RBBP7: variants seen among roughly 807,000 people sequenced by gnomAD.
RBBP7 encodes histone-binding protein RBBP7.
In RBBP7, 5 loss-of-function variants were observed where a neutral mutation model predicts 35.2. The ratio of observed to expected loss-of-function variants is 0.14; its 90% CI spans 0.07 to 0.30. RBBP7 has a LOEUF of 0.30. RBBP7 is among the 10% of genes least tolerant of loss of function. The pLI is 1.00. For missense variants in RBBP7, 155 were observed against 327.5 expected, an observed-to-expected ratio of 0.47 and a Z score of 4.07; for synonymous variants, 140 against 118.7, an observed-to-expected ratio of 1.18 and a Z score of -1.17.
intron 2 of RBBP7, among the ~76,000 whole-genome samples, chrX:16,865,546 T>C (rs1220977846): frequency 8.9e-6 from 1 of 112,167 alleles, no homozygotes; most frequent in Non-Finnish European, 1.9e-5. Context: ...TTCTTTTTAC[T>C]AGAAATCCCT....
chrX:16,848,771 T>A (rs1179716469), intron 10 of RBBP7: 1 of 111,839 alleles, frequency 8.9e-6, no homozygotes, highest in Non-Finnish European at 1.9e-5. Context: ...ACATAAGCTT[T>A]CAAAGGGCCA....
chrX:16,859,485 T>C (rs1930419011), intron 3 of RBBP7, among the ~76,000 whole-genome samples: 1 of 112,228 alleles, frequency 8.9e-6, no homozygotes, highest in Non-Finnish European at 1.9e-5. Flanking sequence ...AAAAAGGCCT[T>C]GTAAAGTAAC....
Position 16,844,842 on chromosome X carries a change from A to T in RBBP7, c.*193T>A. ...ATGGTGATGTTCTTTCTTAAGCAAC[A>T]TTCTTCTCTTCCCTAATAGCTACAA... On this transcript the variant is annotated 3_prime_UTR_variant, in exon 12 of 12. Transcript: ENST00000380087. The T allele has an allele frequency of 2.9e-6, 1 of 340,820 alleles. No individual in the cohort carries two copies. Among genetic ancestry groups the T allele is most frequent in the South Asian group, 9.9e-5 (1 of 10,053 alleles). 28.1% of individuals were successfully genotyped at this position (340,820 alleles called of 1,213,427 possible). A position where few individuals can be genotyped will look rare whatever the true frequency, so the allele number is the denominator to read the frequency against.
intron 5 of RBBP7, among the ~76,000 whole-genome samples, chrX:16,856,951 C>T (rs999502000): frequency 7.2e-5 from 8 of 111,477 alleles, no homozygotes; most frequent in African/African-American, 2.6e-4. Context: ...TATATCCATA[C>T]AGTGGAATAT....
At chrX:16,855,312 A>G (rs1602419320) in intron 5 of RBBP7, among the ~76,000 whole-genome samples, 1 of 112,510 alleles carries the variant, frequency 8.9e-6, no homozygotes, top group South Asian at 3.6e-4. Context: ...TTGGCCTCCC[A>G]AAGTGCTGGG....
In RBBP7 at chrX:16,869,138, C is replaced by G. The variant is rs762258614; in HGVS notation, c.99G>C (p.Leu33=). Residue 33 remains leucine, a synonymous_variant, in exon 2 of 12, where the codon CTG becomes CTC. Transcript: ENST00000380087. ...WKKNTPFLYD[L]VMTHALQWPS... ...GCCACTGAAGAGCATGGGTCATAAC[C>G]AGGTCATATAGAAACGGTGTATTCT... 2.5e-6 allele frequency: 3 copies of G among 1,208,957 alleles called. No individual in the cohort carries two copies. Among genetic ancestry groups the G allele is most frequent in the South Asian group, 3.5e-5 (2 of 56,808 alleles).
At chrX:16,865,731 G>A (rs1459849119) in intron 2 of RBBP7, among the ~76,000 whole-genome samples, 2 of 112,278 alleles carry the variant, frequency 1.8e-5, no homozygotes, top group Non-Finnish European at 3.8e-5. Context: ...ATTTAGCCAA[G>A]CATCACATAA....
chrX:16,869,556 A>G, intron 1 of RBBP7: 1 of 1,166,605 alleles, frequency 8.6e-7, no homozygotes, highest in Non-Finnish European at 1.1e-6. Flanking sequence ...AGACAAATGC[A>G]CGTGTAGCAG....
At chrX:16,853,583 A>G (rs1413002847) in intron 6 of RBBP7, 99 bp downstream of exon 6, 15 of 858,028 alleles carry the variant, frequency 1.7e-5, no homozygotes, top group South Asian at 3.8e-5. Context: ...TTTTAAAGCC[A>G]TAACTTAAAA....
intron 4 of RBBP7, 35 bp downstream of exon 4, chrX:16,858,641 T>C: frequency 8.4e-7 from 1 of 1,189,906 alleles, no homozygotes; most frequent in African/African-American, 1.8e-5. Flanking sequence ...TCAAGAAAAC[T>C]GCTCAAGTAA....
At chrX:16,869,888 C>T (rs1294843490) in intron 1 of RBBP7, 150 bp downstream of exon 1, 15 of 795,284 alleles carry the variant, frequency 1.9e-5, no homozygotes, top group African/African-American at 2.3e-5. Context: ...CCGTCCCGCG[C>T]AGGCCCCTCG....
At chrX:16,848,089 G>A (rs1192604206) in intron 10 of RBBP7, 1 of 112,073 alleles carries the variant, frequency 8.9e-6, no homozygotes, top group Non-Finnish European at 1.9e-5. Context: ...GAAATATCTA[G>A]AATAGCCCAA....
At chrX:16,861,043 G>A (rs1292933284) in intron 3 of RBBP7, among the ~76,000 whole-genome samples, 1 of 110,918 alleles carries the variant, frequency 9.0e-6, no homozygotes, top group East Asian at 2.8e-4. Context: ...GCATGGTGGT[G>A]GACGCCTGTA....
In RBBP7 at chrX:16,858,862, G is replaced by C; in HGVS notation, c.308-13C>G. The C allele has an allele frequency of 8.3e-7, 1 of 1,207,476 alleles. No homozygotes were observed. Among genetic ancestry groups the C allele is most frequent in the Non-Finnish European group, 1.1e-6 (1 of 892,657 alleles). ...AAGCCACCAAATTCTAATGTGAGGA[G>C]AAAGAAACACACACACACACACTCA... On this transcript the variant is annotated splice_polypyrimidine_tract_variant and intron_variant, in intron 3 of 11. Coordinates refer to ENST00000380087, the MANE Select transcript of RBBP7 (RefSeq NM_002893.4).
At chrX:16,849,168 C>T in intron 10 of RBBP7, 76 bp downstream of exon 10, 2 of 1,004,556 alleles carry the variant, frequency 2.0e-6, no homozygotes, top group Non-Finnish European at 2.7e-6. Context: ...GAAGTTCTGA[C>T]CCATTCTCGA....
chrX:16,862,063 G>C (rs1048445691), intron 3 of RBBP7, among the ~76,000 whole-genome samples: 2 of 111,398 alleles, frequency 1.8e-5, no homozygotes, highest in Non-Finnish European at 3.8e-5. Flanking sequence ...GAAAGCCTCA[G>C]ACCCCAAGAC....
chrX:16,863,953 G>A (rs5924563), intron 2 of RBBP7, among the ~76,000 whole-genome samples: 1 of 111,174 alleles, frequency 9.0e-6, no homozygotes. Flanking sequence ...CTGAGAAGTA[G>A]GGGTCTAGGC....
At chrX:16,868,742 G>A (rs184433890) in intron 2 of RBBP7, among the ~76,000 whole-genome samples, 121 of 112,273 alleles carry the variant, frequency 1.1e-3, no homozygotes, top group Middle Eastern at 4.6e-3. Flanking sequence ...GAACTTTTCC[G>A]TAAATATTCT....
intron 9 of RBBP7, 115 bp from the exon 10 acceptor site, chrX:16,849,416 C>T: frequency 1.6e-6 from 1 of 636,034 alleles, no homozygotes; most frequent in Non-Finnish European, 2.4e-6. Context: ...CTCACAAAAA[C>T]AACTTATTTC....
Sources: gnomAD v4.1 joint callset for allele counts (sites outside exome capture counted in the v4.1 genomes callset) on GRCh38, gnomAD v4.1.1 for gene constraint, MANE v1.5 for transcripts, NCBI Gene and HGNC (gene_info 2026-07-23, HGNC 2026-07-21) for gene names.